Variants in CC2D2B observed in about 807,000 individuals in gnomAD.
CC2D2B encodes the protein coiled-coil and C2 domain containing 2B, also known as protein CC2D2B.
Under a neutral mutation model 161.2 loss-of-function variants are expected in CC2D2B, and 128 were observed. That is an observed-to-expected ratio of 0.79 (90% CI 0.69 to 0.92). The LOEUF (loss-of-function observed/expected upper bound fraction) is 0.92, where lower values mean the gene tolerates loss of function less well. CC2D2B is among the 40% of genes least tolerant of loss of function. The pLI is 0.00. For missense variants in CC2D2B, 1,173 were observed against 1,375.1 expected (o/e 0.85, Z 2.32); for synonymous variants, 391 against 449.8 (o/e 0.87, Z 1.65).
At position 96,004,248 on chromosome 10, in the gene CC2D2B, G is replaced by A; in HGVS notation, c.2946G>A (p.Glu982=). Residue 982 remains glutamate, a splice_region_variant and synonymous_variant, in exon 25 of 35, where the codon GAG becomes GAA. Transcript: ENST00000646931. ...ATGAAATGATGACTGAAAAACATGA[G>A]GTAAAGTAGAATAATTACAATAGCC... is the stretch of plus-strand genomic sequence containing the variant. ...IFDEMMTEKH[E]DHCLKSCSGH... is the part of the protein sequence containing the mutation. 2.9e-6 allele frequency: 4 copies of A among 1,388,240 alleles called. No individual in the cohort carries two copies. Among genetic ancestry groups the A allele is most frequent in the Non-Finnish European group, 2.0e-6 (2 of 1,014,388 alleles). 86.0% of individuals were successfully genotyped at this position (1,388,240 alleles called of 1,614,324 possible).
At chr10:95,984,071 C>G (rs1163507614) in intron 19 of CC2D2B, among the ~76,000 whole-genome samples, 1 of 152,090 alleles carries the variant, frequency 6.6e-6, no homozygotes, top group East Asian at 1.9e-4. Context: ...ATTTATGTAA[C>G]TATTATATTT....
intron 2 of CC2D2B, among the ~76,000 whole-genome samples, chr10:95,918,250 C>T (rs1334487131): frequency 1.3e-5 from 2 of 152,116 alleles, no homozygotes; most frequent in African/African-American, 4.8e-5. Flanking sequence ...CATTAATGTC[C>T]TTTTCTTTCA....
chr10:95,926,439 G>A (rs1590369961), intron 5 of CC2D2B, among the ~76,000 whole-genome samples: 1 of 152,098 alleles, frequency 6.6e-6, no homozygotes, highest in African/African-American at 2.4e-5. Context: ...AAGTTAATAT[G>A]ATGGCTACAG....
chr10:95,938,570 G>C lies in CC2D2B; in HGVS notation c.537G>C (p.Val179=), dbSNP rs1464825415. The part of the protein sequence containing the change: ...ANIFVPSSSP[V]VNQRKLPKDM... ...TATCTAAGTTTTATTGTTATAAAGT[G>C]GTTAACCAGCGCAAACTGCCAAAAG... is the stretch of plus-strand genomic sequence containing the variant. Residue 179 remains valine, a splice_region_variant and synonymous_variant, in exon 8 of 35, where the codon GTG becomes GTC. Transcript: ENST00000646931. 1.4e-6 allele frequency: 1 copy of C among 692,122 alleles called. No homozygotes were observed. 42.9% of individuals were successfully genotyped at this position (692,122 alleles called of 1,614,324 possible).
At chr10:95,946,967 A>G (rs1590514610) in intron 9 of CC2D2B, among the ~76,000 whole-genome samples, 1 of 151,278 alleles carries the variant, frequency 6.6e-6, no homozygotes, top group Non-Finnish European at 1.5e-5. Context: ...TTGATGAATC[A>G]GGCTGCATAT....
rs569022532 is a variant in CC2D2B at position 95,953,605 on chromosome 10, A to G, written c.1012-1789A>G. On this transcript the variant is annotated intron_variant, in intron 10 of 34. Transcript: ENST00000646931. ...GCTTCCTAAGACCTTCTCTACCCCA[A>G]GTTTATCAATTAGCATATTTTTGGT... Among the ~76,000 whole-genome samples, 6 of 152,264 alleles carry G rather than the reference A, an allele frequency of 3.9e-5. No homozygotes were observed. The South Asian group carries it at 1.2e-3, about 32-fold the overall frequency.
intron 22 of CC2D2B, among the ~76,000 whole-genome samples, chr10:95,993,843 TATATATATAGAG>T (rs2078059149): frequency 9.3e-6 from 1 of 107,290 alleles, no homozygotes; most frequent in African/African-American, 4.0e-5. Flanking sequence ...TGTATATATA[TATATATATAGAG>T]AGAGAGAGAG....
intron 11 of CC2D2B, among the ~76,000 whole-genome samples, chr10:95,957,396 A>G (rs1444701949): frequency 6.6e-6 from 1 of 152,006 alleles, no homozygotes; most frequent in Non-Finnish European, 1.5e-5. Context: ...TGGGAGCCAG[A>G]TATTAAAGAC....
At chr10:96,025,178 T>TAAAAA (rs2079676622) in intron 33 of CC2D2B, among the ~76,000 whole-genome samples, 2 of 10,660 alleles carry the variant, frequency 1.9e-4, no homozygotes, top group African/African-American at 5.6e-4. Flanking sequence ...TATATATATA[T>TAAAAA]ATATATAAAA....
chr10:95,936,433 A>G (rs2075824133), intron 6 of CC2D2B, among the ~76,000 whole-genome samples: 1 of 152,184 alleles, frequency 6.6e-6, no homozygotes, highest in South Asian at 2.1e-4. Context: ...GGTTACTTTC[A>G]GAAGGTTCTG....
intron 16 of CC2D2B, 144 bp from the exon 17 acceptor site, chr10:95,973,861 CAAAA>C (rs576579109): frequency 3.6e-3 from 849 of 232,678 alleles, no homozygotes; most frequent in Middle Eastern, 6.4e-3. Flanking sequence ...AACTCTGTCT[CAAAA>C]AAAAAAAAAA....
At chr10:95,917,926 C>T (rs2098519624) in intron 2 of CC2D2B, among the ~76,000 whole-genome samples, 1 of 152,040 alleles carries the variant, frequency 6.6e-6, no homozygotes, top group Non-Finnish European at 1.5e-5. Context: ...CAGACGCACA[C>T]CACCACACCT....
At chr10:95,993,900 A>ATGTGTG (rs1270650458) in intron 22 of CC2D2B, among the ~76,000 whole-genome samples, 4 of 40,066 alleles carry the variant, frequency 1.0e-4, no homozygotes, top group African/African-American at 2.2e-4. Flanking sequence ...GAGAGAGAGA[A>ATGTGTG]TGTGTGTGTG....
intron 24 of CC2D2B, among the ~76,000 whole-genome samples, chr10:95,998,823 A>T (rs1352848230): frequency 6.6e-6 from 1 of 152,156 alleles, no homozygotes; most frequent in Non-Finnish European, 1.5e-5. Flanking sequence ...TACCTAAAAA[A>T]TACCTTCAGA....
Position 96,019,225 on chromosome 10 carries a change from C to T in CC2D2B, c.3653C>T (p.Thr1218Ile). The T allele has an allele frequency of 6.2e-7, 1 of 1,610,316 alleles. No homozygotes were observed. The highest frequency in any genetic ancestry group is 1.3e-5 in the African/African-American group (1 of 74,810). Residue 1218 changes from threonine to isoleucine, a missense_variant, in exon 31 of 35, where the codon ACT (threonine) becomes ATT (isoleucine). Transcript: ENST00000646931. ...CAGGGGCATGTGGCTTATGTAGTAA[C>T]TCAAGAAACTAATGAATATTTGCTT... ...VLEGHVAYVV[T>I]QETNEYLLWN...
intron 34 of CC2D2B, among the ~76,000 whole-genome samples, chr10:96,029,290 A>ATC (rs1564689352): frequency 6.5e-5 from 6 of 92,056 alleles, no homozygotes; most frequent in South Asian, 3.9e-4. Flanking sequence ...ATATATGTAT[A>ATC]TATATATATA....
intron 34 of CC2D2B, 96 bp from the exon 35 acceptor site, chr10:96,031,724 C>A: frequency 9.2e-7 from 1 of 1,085,802 alleles, no homozygotes; most frequent in Non-Finnish European, 1.4e-6. Context: ...TTTATGAGTA[C>A]TATTTCTTTG....
chr10:95,974,056 T>C lies in CC2D2B; in HGVS notation c.1843T>C (p.Leu615=). The part of the protein sequence containing the change: ...EGNGTEELCL[L]TSGKLSYSLS... ...AAATGGAACTGAAGAACTCTGTCTTTTGACATCAGGAAAACTTAGCTATTC... is the reference window on the plus strand; with the variant it reads ...AAATGGAACTGAAGAACTCTGTCTTCTGACATCAGGAAAACTTAGCTATTC... Residue 615 remains leucine, a synonymous_variant, in exon 17 of 35, where the codon TTG becomes CTG. Coordinates refer to ENST00000646931, the MANE Select transcript of CC2D2B (RefSeq NM_001349008.3). The C allele has an allele frequency of 6.5e-6, 8 of 1,231,706 alleles. No homozygotes were observed. Among genetic ancestry groups the C allele is most frequent in the Non-Finnish European group, 8.1e-6 (8 of 987,574 alleles). The allele number at this position is 1,231,706 out of a possible 1,614,324, so 76.3% of individuals were successfully genotyped here. A position where few individuals can be genotyped will look rare whatever the true frequency, so the allele number is the denominator to read the frequency against.
chr10:96,027,305 C>T lies in CC2D2B; in HGVS notation c.4041C>T (p.Ile1347=), dbSNP rs2079826847. The part of the protein sequence containing the change: ...NRQCTFILRQ[I]LPKLEFGIGS... Reference sequence around the variant, plus strand: ...AGTGTACTTTTATTTTGCGACAAATCCTTCCTAAGCTGGAATTTGGCATAG... The same window carrying T: ...AGTGTACTTTTATTTTGCGACAAATTCTTCCTAAGCTGGAATTTGGCATAG... Residue 1347 remains isoleucine, a synonymous_variant, in exon 34 of 35, where the codon ATC becomes ATT. Coordinates refer to ENST00000646931, the MANE Select transcript of CC2D2B (RefSeq NM_001349008.3). 1 of 1,551,136 alleles carries T rather than the reference C, an allele frequency of 6.4e-7. No homozygotes were observed. Among genetic ancestry groups the T allele is most frequent in the East Asian group, 2.4e-5 (1 of 40,878 alleles).
Sources: allele counts gnomAD v4.1 joint callset (sites outside exome capture counted in the v4.1 genomes callset), GRCh38; gene constraint gnomAD v4.1.1; transcripts MANE v1.5; gene names NCBI Gene and HGNC (gene_info 2026-07-23, HGNC 2026-07-21).